OR1J2: variants seen among roughly 807,000 people sequenced by gnomAD.
The protein encoded by OR1J2 is olfactory receptor family 1 subfamily J member 2.
For missense variants in OR1J2, 304 were observed against 246.1 expected (o/e 1.24, Z -1.57); for synonymous variants, 142 against 99.7 (o/e 1.42, Z -2.52).
At chr9:122,486,523 C>T in the OR1J2 span, among the ~76,000 whole-genome samples, 1 of 152,168 alleles carries the variant, frequency 6.6e-6, no homozygotes, top group Admixed American at 6.5e-5. Context: ...TCTATAGTTT[C>T]AAGATTTGTG....
the OR1J2 span, among the ~76,000 whole-genome samples, chr9:122,529,162 T>C: frequency 2.6e-5 from 4 of 152,152 alleles, no homozygotes; most frequent in Non-Finnish European, 5.9e-5. Flanking sequence ...GAGGCTACAG[T>C]CCAAGTTATT....
chr9:122,459,735 T>C, the OR1J2 span, among the ~76,000 whole-genome samples: 1 of 152,150 alleles, frequency 6.6e-6, no homozygotes, highest in Non-Finnish European at 1.5e-5. Flanking sequence ...GAATTGGTGG[T>C]GTTTTGTTAC....
At chr9:122,566,186 C>T in the OR1J2 span, among the ~76,000 whole-genome samples, 3 of 152,168 alleles carry the variant, frequency 2.0e-5, no homozygotes, top group Admixed American at 1.3e-4. Flanking sequence ...CTAAAGTAAA[C>T]GTGCCAAAAT....
the OR1J2 span, among the ~76,000 whole-genome samples, chr9:122,558,134 T>C: frequency 6.6e-6 from 1 of 151,954 alleles, no homozygotes; most frequent in East Asian, 1.9e-4. Flanking sequence ...GGTATATCAA[T>C]TTTATTGATC....
chr9:122,469,873 T>C, the OR1J2 span, among the ~76,000 whole-genome samples: 6 of 152,136 alleles, frequency 3.9e-5, no homozygotes, highest in Admixed American at 3.9e-4. Flanking sequence ...CGTGGAGCTT[T>C]GAATTTGAGA....
At chr9:122,576,866 A>G in the OR1J2 span, 134,664 of 152,180 alleles carry the variant, frequency 0.88, 59,708 homozygotes, top group East Asian at 0.98. Flanking sequence ...TTTGGGGGGC[A>G]GTGGGTTGCC....
downstream of OR1J2, among the ~76,000 whole-genome samples, chr9:122,515,371 T>TGTGTGC (rs1828685964): frequency 6.6e-6 from 1 of 151,390 alleles, no homozygotes; most frequent in African/African-American, 2.4e-5. Flanking sequence ...TGTGTGTGTG[T>TGTGTGC]GTGTGTGTGT....
At chr9:122,508,804 A>G (rs947558354), upstream of OR1J2, among the ~76,000 whole-genome samples, 97 of 152,212 alleles carry the variant, frequency 6.4e-4, no homozygotes, top group African/African-American at 2.2e-3. Context: ...AGTGCTTTAG[A>G]AAAACCTCAC....
chr9:122,512,015 T>A (rs1354771459), downstream of OR1J2, among the ~76,000 whole-genome samples: 1 of 152,248 alleles, frequency 6.6e-6, no homozygotes, highest in African/African-American at 2.4e-5. Context: ...TACAGTTTTC[T>A]TATCCCTTAT....
the OR1J2 span, among the ~76,000 whole-genome samples, chr9:122,490,888 A>G: frequency 0.024 from 3,689 of 152,250 alleles, 134 homozygotes; most frequent in African/African-American, 0.083. Context: ...ATAGTTCAGG[A>G]GTGGATAATG....
the OR1J2 span, among the ~76,000 whole-genome samples, chr9:122,502,449 C>G: frequency 6.6e-6 from 1 of 152,156 alleles, no homozygotes; most frequent in Non-Finnish European, 1.5e-5. Context: ...GAACACGTAC[C>G]TTGTTCCAGG....
chr9:122,505,804 CTTG>C (rs949341030), upstream of OR1J2, among the ~76,000 whole-genome samples: 1 of 151,616 alleles, frequency 6.6e-6, no homozygotes, highest in African/African-American at 2.4e-5. Context: ...TGCGTGTCAA[CTTG>C]TTTTTTTTTT....
rs769417434 is a variant in OR1J2 at position 122,511,425 on chromosome 9, C to G, written c.624C>G (p.Thr208=). 4 of 773,324 alleles carry G rather than the reference C, an allele frequency of 5.2e-6. No homozygotes were observed. Among genetic ancestry groups the G allele is most frequent in the African/African-American group, 3.4e-5 (2 of 59,026 alleles). 47.9% of individuals were successfully genotyped at this position (773,324 alleles called of 1,614,324 possible). A position where few individuals can be genotyped will look rare whatever the true frequency, so the allele number is the denominator to read the frequency against. The change falls in exon 1 of 1, where the codon ACC becomes ACG. Residue 208 remains threonine, a synonymous_variant. Transcript: ENST00000335302. ...VMFTVGVVVI[T]LPFMCILVSY... ...TCACAGTAGGGGTGGTGGTCATTAC[C>G]CTGCCATTCATGTGTATCCTGGTAT...
the OR1J2 span, among the ~76,000 whole-genome samples, chr9:122,576,270 G>A: frequency 6.6e-6 from 1 of 151,810 alleles, no homozygotes; most frequent in Admixed American, 6.6e-5. Flanking sequence ...CACCCAGACT[G>A]GAGTGCAGTG....
the OR1J2 span, among the ~76,000 whole-genome samples, chr9:122,470,067 G>C: frequency 6.6e-6 from 1 of 152,218 alleles, no homozygotes; most frequent in African/African-American, 2.4e-5. Context: ...ATTCAAGCTG[G>C]CTGCAGATAC....
chr9:122,564,982 A>G, the OR1J2 span, among the ~76,000 whole-genome samples: 2 of 152,210 alleles, frequency 1.3e-5, no homozygotes, highest in Non-Finnish European at 2.9e-5. Context: ...ACTCATTGGT[A>G]GGACATTTGT....
the OR1J2 span, among the ~76,000 whole-genome samples, chr9:122,486,262 T>C: frequency 6.6e-6 from 1 of 152,144 alleles, no homozygotes; most frequent in African/African-American, 2.4e-5. Context: ...GCCCAGCCAA[T>C]GTAGGCATTC....
the OR1J2 span, among the ~76,000 whole-genome samples, chr9:122,454,881 A>G: frequency 6.6e-6 from 1 of 152,242 alleles, no homozygotes; most frequent in African/African-American, 2.4e-5. Flanking sequence ...TTTTAAATAA[A>G]ACAAATTTGC....
chr9:122,555,596 CTA>C, the OR1J2 span, among the ~76,000 whole-genome samples: 3 of 152,150 alleles, frequency 2.0e-5, no homozygotes, highest in East Asian at 5.8e-4. Context: ...CATTTACAGT[CTA>C]TTTATATATA....
Sources: gnomAD v4.1 joint callset for allele counts (sites outside exome capture counted in the v4.1 genomes callset) on GRCh38, gnomAD v4.1.1 for gene constraint, MANE v1.5 for transcripts, NCBI Gene and HGNC (gene_info 2026-07-23, HGNC 2026-07-21) for gene names.